FAM135B: variants seen among roughly 807,000 people sequenced by gnomAD.
FAM135B encodes the protein family with sequence similarity 135 member B.
Under a neutral mutation model 127.7 loss-of-function variants are expected in FAM135B, and 43 were observed. The ratio of observed to expected loss-of-function variants is 0.34; its 90% CI spans 0.26 to 0.43. The LOEUF is 0.43. Ranked by LOEUF, FAM135B falls within the 20% of genes least tolerant of loss-of-function variation. FAM135B has a pLI of 1.00. For synonymous variants in FAM135B, 670 were observed against 665.1 expected (o/e 1.01, Z -0.11); for missense variants, 1,558 against 1,725.6 (o/e 0.90, Z 1.72).
At chr8:138,339,496 T>G (rs1828891041) in intron 2 of FAM135B, among the ~76,000 whole-genome samples, 10 of 151,986 alleles carry the variant, frequency 6.6e-5, no homozygotes, top group Admixed American at 6.5e-4. Context: ...CAGGGATGTA[T>G]TAGAGTCAGG....
intron 8 of FAM135B, among the ~76,000 whole-genome samples, chr8:138,196,123 G>A (rs1264498730): frequency 6.6e-6 from 1 of 152,202 alleles, no homozygotes; most frequent in Non-Finnish European, 1.5e-5. Flanking sequence ...CTGACACATA[G>A]TACATGTCCA....
intron 12 of FAM135B, 83 bp downstream of exon 12, chr8:138,167,812 T>C: frequency 6.9e-7 from 1 of 1,450,190 alleles, no homozygotes; most frequent in Non-Finnish European, 9.2e-7. Flanking sequence ...TCACTTTTGC[T>C]GGAATATAAA....
chr8:138,428,328 A>G (rs4909794), intron 1 of FAM135B, among the ~76,000 whole-genome samples: 10,291 of 152,174 alleles, frequency 0.068, 782 homozygotes, highest in East Asian at 0.26. Context: ...ATACAGTCCA[A>G]CGCCCAAACT....
intron 1 of FAM135B, chr8:138,439,638 G>A (rs1255652170): frequency 6.6e-6 from 1 of 152,190 alleles, no homozygotes; most frequent in Non-Finnish European, 1.5e-5. Context: ...ACTTTCTACT[G>A]TAGTGCCAGA....
At chr8:138,260,042 G>T (rs955491934) in intron 4 of FAM135B, among the ~76,000 whole-genome samples, 1 of 152,142 alleles carries the variant, frequency 6.6e-6, no homozygotes, top group South Asian at 2.1e-4. Context: ...AACATGGGAA[G>T]TTTATCTTAC....
At position 138,148,665 on chromosome 8, in the gene FAM135B, T is replaced by A. The variant is rs1817856424; in HGVS notation, c.3303A>T (p.Lys1101Asn). Reference sequence around the variant, plus strand: ...CTTCAATCTTCAGTTCTTTTTTAAATTTTTCTTTGGCCTGATAAAAACTGG... The same window carrying A: ...CTTCAATCTTCAGTTCTTTTTTAAAATTTTCTTTGGCCTGATAAAAACTGG... The part of the protein sequence containing the change: ...RMFSFYQAKE[K>N]FKKELKIEGF... The change falls in exon 14 of 20, where the codon AAA (lysine) becomes AAT (asparagine). Residue 1101 changes from lysine (K) to asparagine (N), a missense_variant. Physicochemically the swap from Lys to Asn is moderately conservative, Grantham distance 94 (BLOSUM62 0). Around this residue, in one of 5 missense-constraint regions of FAM135B, gnomAD observed 923 missense variants for 865.3 expected, o/e 1.07. Coordinates refer to ENST00000395297, the MANE Select transcript of FAM135B (RefSeq NM_015912.4). 6.2e-7 allele frequency: 1 copy of A among 1,607,080 alleles called. No homozygotes were observed. The highest frequency in any genetic ancestry group is 8.5e-7 in the Non-Finnish European group (1 of 1,176,694).
rs116680312 is a variant in FAM135B, at chr8:138,197,721, C to G, written c.670-52G>C. The G allele has an allele frequency of 1.8e-3, 2,811 of 1,587,848 alleles. 49 individuals carry two copies. In the African/African-American group the frequency reaches 0.031, roughly 18 times the overall value. Reference sequence around the variant, plus strand: ...TGAGGAATATTGCACCTGGCCCAGGCAGCACAGGGCTGTGATGCTCCATCC... The same window carrying G: ...TGAGGAATATTGCACCTGGCCCAGGGAGCACAGGGCTGTGATGCTCCATCC... On this transcript the variant is annotated intron_variant, in intron 7 of 19. Coordinates refer to ENST00000395297, the MANE Select transcript of FAM135B (RefSeq NM_015912.4).
At chr8:138,164,234 A>G (rs913672119) in intron 12 of FAM135B, among the ~76,000 whole-genome samples, 1 of 152,172 alleles carries the variant, frequency 6.6e-6, no homozygotes, top group Admixed American at 6.5e-5. Context: ...AGTATGGAGA[A>G]GGGGTACAGA....
At chr8:138,166,085 C>A (rs982711686) in intron 12 of FAM135B, among the ~76,000 whole-genome samples, 1 of 152,148 alleles carries the variant, frequency 6.6e-6, no homozygotes, top group African/African-American at 2.4e-5. Context: ...TCAGAGTTGG[C>A]GTTGAACGTC....
chr8:138,195,657 C>A (rs912919358), intron 8 of FAM135B, among the ~76,000 whole-genome samples: 8 of 149,602 alleles, frequency 5.3e-5, no homozygotes, highest in South Asian at 4.2e-4. Context: ...CACACACACA[C>A]AAACACACAC....
At chr8:138,479,347 G>A (rs764385737) in intron 1 of FAM135B, among the ~76,000 whole-genome samples, 7 of 152,126 alleles carry the variant, frequency 4.6e-5, no homozygotes, top group Admixed American at 1.3e-4. Context: ...TTGGGAGGCC[G>A]GGGGTCTGGC....
At chr8:138,162,926 T>G (rs554080188) in intron 12 of FAM135B, among the ~76,000 whole-genome samples, 1 of 152,126 alleles carries the variant, frequency 6.6e-6, no homozygotes, top group Non-Finnish European at 1.5e-5. Context: ...TAAAAAAAAA[T>G]TTTATCAGAT....
intron 1 of FAM135B, among the ~76,000 whole-genome samples, chr8:138,419,550 T>C (rs1424780069): frequency 1.3e-5 from 2 of 152,124 alleles, no homozygotes; most frequent in African/African-American, 4.8e-5. Flanking sequence ...AATAACAGAA[T>C]ATACATTATT....
chr8:138,138,792 A>G (rs2130559816), intron 18 of FAM135B, among the ~76,000 whole-genome samples, 194 bp downstream of exon 18: 1 of 152,346 alleles, frequency 6.6e-6, no homozygotes, highest in African/African-American at 2.4e-5. Context: ...CACGTGCCAT[A>G]TGGGCAATGG....
At chr8:138,308,029 G>A (rs531402786) in intron 3 of FAM135B, among the ~76,000 whole-genome samples, 1 of 152,134 alleles carries the variant, frequency 6.6e-6, no homozygotes, top group Non-Finnish European at 1.5e-5. Flanking sequence ...AATGAACGGC[G>A]AGAGTCTATT....
At chr8:138,224,600 C>T (rs1010119413) in intron 7 of FAM135B, among the ~76,000 whole-genome samples, 1 of 152,118 alleles carries the variant, frequency 6.6e-6, no homozygotes, top group Admixed American at 6.5e-5. Context: ...AATAGTACTA[C>T]ACTGTAGCTA....
At chr8:138,487,013 CGTGCCGGTTTGTTACATATGTATACAT>C (rs902048905) in intron 1 of FAM135B, among the ~76,000 whole-genome samples, 2 of 151,724 alleles carry the variant, frequency 1.3e-5, no homozygotes, top group Non-Finnish European at 2.9e-5. Context: ...ATGTGCACAA[CGTGCCGGTTTGTTACATATGTATACAT>C]GTGCCAGTTT....
chr8:138,221,751 C>T (rs529264598), intron 7 of FAM135B, among the ~76,000 whole-genome samples: 66 of 152,292 alleles, frequency 4.3e-4, no homozygotes, highest in Middle Eastern at 3.4e-3. Flanking sequence ...TCCCACCGAA[C>T]AAATCTTAAA....
intron 1 of FAM135B, among the ~76,000 whole-genome samples, chr8:138,480,800 A>G (rs567952258): frequency 6.6e-6 from 1 of 152,324 alleles, no homozygotes; most frequent in East Asian, 1.9e-4. Context: ...CTTCTGAAAC[A>G]GCTTTGGAAT....
Sources: allele counts gnomAD v4.1 joint callset (sites outside exome capture counted in the v4.1 genomes callset), GRCh38; gene constraint gnomAD v4.1.1; regional missense constraint gnomAD v4.1.1; transcripts MANE v1.5; gene names NCBI Gene and HGNC (gene_info 2026-07-23, HGNC 2026-07-21).